The following SIX4 variants were observed in gnomAD, a reference collection of about 807,000 sequenced individuals.
The protein encoded by SIX4 is SIX homeobox 4.
SIX4 carries 23 observed loss-of-function variants against 51.5 expected under a neutral mutation model. The ratio of observed to expected loss-of-function variants is 0.45; its 90% CI spans 0.32 to 0.63. The LOEUF is 0.63. SIX4 is among the 30% of genes least tolerant of loss of function. The pLI is 0.04. For synonymous variants in SIX4, 413 were observed against 417.3 expected (o/e 0.99, Z 0.13); for missense variants, 867 against 984.0 (o/e 0.88, Z 1.59).
intron 1 of SIX4, chr14:60,721,098 T>C: frequency 1.0e-6 from 1 of 985,440 alleles, no homozygotes; most frequent in Non-Finnish European, 1.2e-6. Flanking sequence ...CGCCTTTGAA[T>C]CCAAAGGAAG....
At position 60,723,581 on chromosome 14, in the gene SIX4, A is replaced by T; in HGVS notation, c.494T>A (p.Leu165His). 6.2e-7 allele frequency: 1 copy of T among 1,610,892 alleles called. No individual in the cohort carries two copies. Among genetic ancestry groups the T allele is most frequent in the Non-Finnish European group, 8.5e-7 (1 of 1,179,420 alleles). Reference protein sequence around the residue: ...VAFHQGIYPELYSILESHSFE... With the variant: ...VAFHQGIYPEHYSILESHSFE... ...GCTGTGGCTCTCGAGGATGCTGTAG[A>T]GCTCGGGGTAGATGCCCTGGTGGAA... Residue 165 changes from leucine (L) to histidine (H), a missense_variant, in exon 1 of 3, where the codon CTC (leucine) becomes CAC (histidine). By Grantham distance (99) the Leu-to-His change is moderately conservative (BLOSUM62 -3). Coordinates refer to ENST00000216513, the MANE Select transcript of SIX4 (RefSeq NM_017420.5).
At position 60,719,514 on chromosome 14, in the gene SIX4, C is replaced by T. The variant is rs1269994034; in HGVS notation, c.1549+246G>A. On this transcript the variant is annotated intron_variant, in intron 2 of 2. Transcript: ENST00000216513. This position sits in a 1 kb window ranked among gnomAD's most constrained non-coding sequence, Gnocchi z 4.9. ...TAGAACTGGCAGGACTTGCTATGAA[C>T]TGTATTTTTCCATTCAGTTGTTAGT... Among the ~76,000 whole-genome samples, 1 of 152,154 alleles carries T rather than the reference C, an allele frequency of 6.6e-6. No homozygotes were observed. Among genetic ancestry groups the T allele is most frequent in the African/African-American group, 2.4e-5 (1 of 41,430 alleles).
At position 60,710,144 on chromosome 14, in the gene SIX4, T is replaced by C. The variant is rs958350244; in HGVS notation, c.*3263A>G. ...TGTACTAAAGCACACTTGTCTAGCA[T>C]GTAGCAGGGCAGGCTGCCACACATG... On this transcript the variant is annotated 3_prime_UTR_variant, in exon 3 of 3. Coordinates refer to ENST00000216513, the MANE Select transcript of SIX4 (RefSeq NM_017420.5). 6 of 152,658 alleles carry C rather than the reference T, an allele frequency of 3.9e-5. No homozygotes were observed. The highest frequency in any genetic ancestry group is 7.3e-5 in the Non-Finnish European group (5 of 68,042). The allele number at this position is 152,658 out of a possible 1,614,324, so 9.5% of individuals were successfully genotyped here. A position where few individuals can be genotyped will look rare whatever the true frequency, so the allele number is the denominator to read the frequency against.
At position 60,713,838 on chromosome 14, in the gene SIX4, C is replaced by T. The variant is rs1030551040; in HGVS notation, c.1915G>A (p.Asp639Asn). ...NPTELNRDIA[D>N]SQPMSAPVAS... ...ACCGGTGCAGACATTGGTTGGCTAT[C>T]GGCAATGTCGCGGTTTAGCTCAGTG... Residue 639 changes from aspartate to asparagine, a missense_variant, in exon 3 of 3, where the codon GAT (aspartate) becomes AAT (asparagine). Asp to Asn is a conservative substitution (Grantham distance 23). Coordinates refer to ENST00000216513, the MANE Select transcript of SIX4 (RefSeq NM_017420.5). 1.2e-5 allele frequency: 19 copies of T among 1,613,974 alleles called. No homozygotes were observed. The highest frequency in any genetic ancestry group is 1.6e-4 in the Middle Eastern group (1 of 6,084).
In SIX4 at chr14:60,710,987, G is replaced by C. The variant is rs901327596; in HGVS notation, c.*2420C>G. On this transcript the variant is annotated 3_prime_UTR_variant, in exon 3 of 3. Transcript: ENST00000216513. ...TAAAAGAGAGGCTTATTGTATTTTC[G>C]GAAAACATATAAAACATTTCCAGTT... 1.4e-5 allele frequency: 2 copies of C among 138,446 alleles called. No homozygotes were observed. The highest frequency in any genetic ancestry group is 3.1e-5 in the Non-Finnish European group (2 of 64,692). The allele number at this position is 138,446 out of a possible 1,614,324, so 8.6% of individuals were successfully genotyped here.
At position 60,722,077 on chromosome 14, in the gene SIX4, G is replaced by T. The variant is rs917725882; in HGVS notation, c.863+1135C>A. Reference sequence around the variant, plus strand: ...GATCACCTTCACCTGGCGCAGGCGGGCTGGATCCCCGGCTCCCAGTTTGCT... The same window carrying T: ...GATCACCTTCACCTGGCGCAGGCGGTCTGGATCCCCGGCTCCCAGTTTGCT... On this transcript the variant is annotated intron_variant, in intron 1 of 2. Coordinates refer to ENST00000216513, the MANE Select transcript of SIX4 (RefSeq NM_017420.5). This position sits in a 1 kb window ranked among gnomAD's most constrained non-coding sequence, Gnocchi z 5.9. Among the ~76,000 whole-genome samples, 2 of 152,172 alleles carry T rather than the reference G, an allele frequency of 1.3e-5. No individual in the cohort carries two copies. Among genetic ancestry groups the T allele is most frequent in the Non-Finnish European group, 2.9e-5 (2 of 68,018 alleles).
In SIX4 at chr14:60,713,666, A is replaced by C. The variant is rs569357412; in HGVS notation, c.2087T>G (p.Val696Gly). ...ATGTACTGCTGGGGAGGGGTGACCT[A>C]CCTGATCTTCAGCTGTAGGAACTAT... is the stretch of plus-strand genomic sequence containing the variant. The part of the protein sequence containing the change: ...GEIVPTAEDQ[V>G]GHPSPAVHQD... Residue 696 changes from valine (V) to glycine (G), a missense_variant, in exon 3 of 3, where the codon GTA (valine) becomes GGA (glycine). Transcript: ENST00000216513. 14 of 1,614,104 alleles carry C rather than the reference A, an allele frequency of 8.7e-6. No homozygotes were observed. The highest frequency in any genetic ancestry group is 1.2e-5 in the Non-Finnish European group (14 of 1,180,048).
Position 60,723,988 on chromosome 14 carries a change from C to T in SIX4, c.87G>A (p.Gln29=). The change falls in exon 1 of 3, where the codon CAG becomes CAA. Residue 29 remains glutamine, a synonymous_variant. Transcript: ENST00000216513. Reference sequence around the variant, plus strand: ...CCCCCGCCACTTCTCGGTGCGCCTCCTGCCCTTCCGAGGCGCTTTCCATCC... The same window carrying T: ...CCCCCGCCACTTCTCGGTGCGCCTCTTGCCCTTCCGAGGCGCTTTCCATCC... ...ENGMESASEG[Q]EAHREVAGGA... 6.6e-7 allele frequency: 1 copy of T among 1,517,752 alleles called. No homozygotes were observed. The highest frequency in any genetic ancestry group is 8.8e-7 in the Non-Finnish European group (1 of 1,136,622). 94.0% of individuals were successfully genotyped at this position (1,517,752 alleles called of 1,614,324 possible).
rs1896044291 is a variant in SIX4 at position 60,722,658 on chromosome 14, A to G, written c.863+554T>C. ...CCTTCTGCGCCGCCAGTCCCACAAC[A>G]CTCTCTTCCCTTCACCAGAGCAGCC... is the stretch of plus-strand genomic sequence containing the variant. On this transcript the variant is annotated intron_variant, in intron 1 of 2. Transcript: ENST00000216513. The surrounding 1 kb of genome is among the most constrained non-coding windows in gnomAD (Gnocchi z 5.9). 6.6e-6 allele frequency among the ~76,000 whole-genome samples: 1 copy of G among 150,514 alleles called. No homozygotes were observed. The highest frequency in any genetic ancestry group is 1.5e-5 in the Non-Finnish European group (1 of 67,562).
In SIX4 at chr14:60,723,639, C is replaced by G. The variant is rs1316390095; in HGVS notation, c.436G>C (p.Glu146Gln). The change falls in exon 1 of 3, where the codon GAG becomes CAG. Residue 146 changes from glutamate (E) to glutamine (Q), a missense_variant. Coordinates refer to ENST00000216513, the MANE Select transcript of SIX4 (RefSeq NM_017420.5). ...LPQSDLLRGN[E>Q]SLLKARALVA... ...AGCGCCCGCGCCTTCAGCAGGCTCT[C>G]GTTGCCACGTAGCAGGTCGCTCTGG... 5 of 1,601,490 alleles carry G rather than the reference C, an allele frequency of 3.1e-6. No individual in the cohort carries two copies. Among genetic ancestry groups the G allele is most frequent in the Non-Finnish European group, 2.6e-6 (3 of 1,174,788 alleles).
chr14:60,719,871 G>T lies in SIX4; in HGVS notation c.1438C>A (p.Gln480Lys). ...TTGGGGATCTGGACAATGCCATACTGGTTAATTTGCACTGGTGTAGTAAAA... is the reference window on the plus strand; with the variant it reads ...TTGGGGATCTGGACAATGCCATACTTGTTAATTTGCACTGGTGTAGTAAAA... ...VTFTTPVQIN[Q>K]YGIVQIPNSG... The change falls in exon 2 of 3, where the codon CAG becomes AAG. Residue 480 changes from glutamine (Q) to lysine (K), a missense_variant. Coordinates refer to ENST00000216513, the MANE Select transcript of SIX4 (RefSeq NM_017420.5). The surrounding 1 kb of genome is among the most constrained non-coding windows in gnomAD (Gnocchi z 4.9). 6.2e-7 allele frequency: 1 copy of T among 1,614,180 alleles called. No homozygotes were observed. Among genetic ancestry groups the T allele is most frequent in the Non-Finnish European group, 8.5e-7 (1 of 1,180,026 alleles).
chr14:60,718,010 TAAA>T, intron 2 of SIX4: 3 of 233,124 alleles, frequency 1.3e-5, no homozygotes, highest in South Asian at 5.3e-5. Context: ...AGTCTCCGCC[TAAA>T]AATAATAATA....
Position 60,723,840 on chromosome 14 carries a change from C to T in SIX4, c.235G>A (p.Ala79Thr), listed in dbSNP as rs1288556437. 5.3e-6 allele frequency: 8 copies of T among 1,523,618 alleles called. No homozygotes were observed. In the Admixed American group the frequency reaches 1.4e-4, roughly 26 times the overall value. 94.4% of individuals were successfully genotyped at this position (1,523,618 alleles called of 1,614,324 possible). A position where few individuals can be genotyped will look rare whatever the true frequency, so the allele number is the denominator to read the frequency against. The stretch of plus-strand genomic sequence containing the variant: ...TGGAGTTGTACCTGATCCGCCGCCG[C>T]TCCGGCCGCCGCCGCCGCCACTGCC... ...EGAVAAAAAG[A>T]AADQVQLHSE... Residue 79 changes from alanine (A) to threonine (T), a missense_variant, in exon 1 of 3, where the codon GCG (alanine) becomes ACG (threonine). Coordinates refer to ENST00000216513, the MANE Select transcript of SIX4 (RefSeq NM_017420.5).
In SIX4 at chr14:60,723,368, T is replaced by A. The variant is rs1159286333; in HGVS notation, c.707A>T (p.Asn236Ile). The A allele has an allele frequency of 6.2e-7, 1 of 1,612,144 alleles. No individual in the cohort carries two copies. Among genetic ancestry groups the A allele is most frequent in the South Asian group, 1.1e-5 (1 of 91,066 alleles). ...CTGCTTGTAGAGCTCCTTGAGCGCGTTGCGCGACTTCTCCTTGAAACAATA... is the reference window on the plus strand; with the variant it reads ...CTGCTTGTAGAGCTCCTTGAGCGCGATGCGCGACTTCTCCTTGAAACAATA... ...TVYCFKEKSR[N>I]ALKELYKQNR... The change falls in exon 1 of 3, where the codon AAC becomes ATC. Residue 236 changes from asparagine to isoleucine, a missense_variant. Asn to Ile is a moderately radical substitution (Grantham distance 149). Coordinates refer to ENST00000216513, the MANE Select transcript of SIX4 (RefSeq NM_017420.5).
In SIX4 at chr14:60,713,584, C is replaced by A. The variant is rs1361457332; in HGVS notation, c.2169G>T (p.Glu723Asp). 4 of 1,614,194 alleles carry A rather than the reference C, an allele frequency of 2.5e-6. No homozygotes were observed. Among genetic ancestry groups the A allele is most frequent in the South Asian group, 2.2e-5 (2 of 91,060 alleles). ...LVLQSVANMK[E>D]NFLSNSESKA... ...TGCTCTCAGAATTTGATAAGAAATT[C>A]TCTTTCATGTTAGCTACCGATTGCA... Residue 723 changes from glutamate (E) to aspartate (D), a missense_variant, in exon 3 of 3, where the codon GAG becomes GAT. Physicochemically the swap from Glu to Asp is conservative, Grantham distance 45. Transcript: ENST00000216513.
In SIX4 at chr14:60,719,166, CAAAT is replaced by C. The variant is rs1193417897; in HGVS notation, c.1549+590_1549+593del. 6.6e-6 allele frequency among the ~76,000 whole-genome samples: 1 copy of C among 152,138 alleles called. No homozygotes were observed. Among genetic ancestry groups the C allele is most frequent in the Non-Finnish European group, 1.5e-5 (1 of 68,018 alleles). On this transcript the variant is annotated intron_variant, in intron 2 of 2. Transcript: ENST00000216513. The surrounding 1 kb of genome is among the most constrained non-coding windows in gnomAD (Gnocchi z 4.9). ...AAAATAAGGCTTACTATTATCTTCA[CAAAT>C]AAACCCACACATTTAGGGGGTTAGT...
Position 60,713,979 on chromosome 14 carries a change from C to T in SIX4, c.1774G>A (p.Ala592Thr). ...MPVNQNAQVN[A>T]NLSSENISGS... ...GAGATGTTTTCAGAAGACAGGTTTG[C>T]ATTTACTTGTGCATTCTGATTGACA... The change falls in exon 3 of 3, where the codon GCA becomes ACA. Residue 592 changes from alanine (A) to threonine (T), a missense_variant. Physicochemically the swap from Ala to Thr is moderately conservative, Grantham distance 58. Coordinates refer to ENST00000216513, the MANE Select transcript of SIX4 (RefSeq NM_017420.5). 1.2e-6 allele frequency: 2 copies of T among 1,614,156 alleles called. No individual in the cohort carries two copies. Among genetic ancestry groups the T allele is most frequent in the Non-Finnish European group, 1.7e-6 (2 of 1,180,014 alleles).
Position 60,723,939 on chromosome 14 carries a change from G to A in SIX4, c.136C>T (p.Pro46Ser), listed in dbSNP as rs1277953239. The A allele has an allele frequency of 6.6e-7, 1 of 1,511,536 alleles. No homozygotes were observed. Among genetic ancestry groups the A allele is most frequent in the African/African-American group, 1.4e-5 (1 of 70,240 alleles). The allele number at this position is 1,511,536 out of a possible 1,614,324, so 93.6% of individuals were successfully genotyped here. Residue 46 changes from proline to serine, a missense_variant, in exon 1 of 3, where the codon CCG (proline) becomes TCG (serine). Pro to Ser is a moderately conservative substitution (Grantham distance 74). Transcript: ENST00000216513. ...AGGAAVGLSP[P>S]APAPFPLEPG... ...TCCAGGGGAAAAGGGGCTGGAGCCG[G>A]GGGGCTCAGCCCTACCGCCGCGCCC...
In SIX4 at chr14:60,724,167, C is replaced by G; in HGVS notation, c.-93G>C. The G allele has an allele frequency of 6.3e-7, 1 of 1,597,888 alleles. No individual in the cohort carries two copies. The highest frequency in any genetic ancestry group is 8.5e-7 in the Non-Finnish European group (1 of 1,176,316). On this transcript the variant is annotated 5_prime_UTR_variant, in exon 1 of 3. Transcript: ENST00000216513. Reference sequence around the variant, plus strand: ...TTACTCCTCCTCCTTCGTCTCCCTCCCTCCTCTCCCCCTCCGGAAAGCCCA... The same window carrying G: ...TTACTCCTCCTCCTTCGTCTCCCTCGCTCCTCTCCCCCTCCGGAAAGCCCA...
Sources: gnomAD v4.1 joint callset for allele counts (sites outside exome capture counted in the v4.1 genomes callset) on GRCh38, gnomAD v4.1.1 for gene constraint, Gnocchi (gnomAD v3.1) non-coding constraint, MANE v1.5 for transcripts, NCBI Gene and HGNC (gene_info 2026-07-23, HGNC 2026-07-21) for gene names.